FNDC3A: variants seen among roughly 807,000 people sequenced by gnomAD.
The protein encoded by FNDC3A is fibronectin type-III domain-containing protein 3A.
FNDC3A carries 32 observed loss-of-function variants against 148.9 expected under a neutral mutation model. That is an observed-to-expected ratio of 0.21 (90% CI 0.16 to 0.29). The LOEUF (loss-of-function observed/expected upper bound fraction) is 0.29. Among genes scored for constraint, FNDC3A ranks in the 10% least tolerant of loss-of-function variants. The pLI is 1.00. For missense variants in FNDC3A, 1,191 were observed against 1,452.8 expected, an observed-to-expected ratio of 0.82 and a Z score of 2.93; for synonymous variants, 472 against 473.6, an observed-to-expected ratio of 1.00 and a Z score of 0.04.
At chr13:48,980,943 T>C (rs1951683639) in intron 1 of FNDC3A, among the ~76,000 whole-genome samples, 1 of 152,292 alleles carries the variant, frequency 6.6e-6, no homozygotes, top group African/African-American at 2.4e-5. Flanking sequence ...GTGATGCTTC[T>C]TTCTTCCTGT....
chr13:49,067,577 G>A (rs9535141), intron 2 of FNDC3A, among the ~76,000 whole-genome samples: 88,093 of 152,020 alleles, frequency 0.58, 27,184 homozygotes, highest in Non-Finnish European at 0.68. Flanking sequence ...GGAGTTATTT[G>A]TATCCTGCTG....
chr13:49,031,347 A>C (rs546451311), intron 2 of FNDC3A, among the ~76,000 whole-genome samples: 10 of 152,206 alleles, frequency 6.6e-5, no homozygotes, highest in Non-Finnish European at 1.5e-4. Flanking sequence ...TCACCACTGC[A>C]TGATCAGCCT....
rs111808079 is a variant in FNDC3A at position 49,113,089 on chromosome 13, C to G, written c.176-1566C>G. On this transcript the variant is annotated intron_variant, in intron 3 of 25. Transcript: ENST00000492622. Reference sequence around the variant, plus strand: ...CCCCCTTTCTCCTATTTCTCCACATCGTTCCTCCTCCCCCTTACCCTTCTG... The same window carrying G: ...CCCCCTTTCTCCTATTTCTCCACATGGTTCCTCCTCCCCCTTACCCTTCTG... Among the ~76,000 whole-genome samples, 372 of 142,854 alleles carry G rather than the reference C, an allele frequency of 2.6e-3. 1 individual carries two copies. Among genetic ancestry groups the G allele is most frequent in the Middle Eastern group, 0.011 (3 of 280 alleles). 93.7% of individuals were successfully genotyped at this position (142,854 alleles called of 152,430 possible).
chr13:49,107,236 G>A (rs1176199103), intron 3 of FNDC3A, among the ~76,000 whole-genome samples: 2 of 152,210 alleles, frequency 1.3e-5, no homozygotes, highest in African/African-American at 4.8e-5. Flanking sequence ...ATGTTATAGA[G>A]TTAATGTTAT....
chr13:49,088,776 G>T (rs1878987644), intron 3 of FNDC3A, among the ~76,000 whole-genome samples: 1 of 151,848 alleles, frequency 6.6e-6, no homozygotes, highest in Non-Finnish European at 1.5e-5. Context: ...TGTTGCCCAG[G>T]CTGGTCTTGA....
chr13:49,054,918 CT>C (rs2137721703), intron 2 of FNDC3A, among the ~76,000 whole-genome samples: 1 of 151,770 alleles, frequency 6.6e-6, no homozygotes, highest in South Asian at 2.1e-4. Flanking sequence ...TCTTTTTCTA[CT>C]TCATTTGTGG....
At chr13:49,089,615 C>A (rs1283577834) in intron 3 of FNDC3A, among the ~76,000 whole-genome samples, 1 of 152,186 alleles carries the variant, frequency 6.6e-6, no homozygotes, top group Non-Finnish European at 1.5e-5. Context: ...TGGGAACTGA[C>A]TGTGGTCCCT....
chr13:49,111,773 TA>T (rs199756417), intron 3 of FNDC3A, among the ~76,000 whole-genome samples: 17 of 149,662 alleles, frequency 1.1e-4, no homozygotes, highest in African/African-American at 3.2e-4. Flanking sequence ...TGCCTCAGGA[TA>T]AAAAAAAAAT....
At chr13:49,202,881 C>CT (rs1886485062) in intron 24 of FNDC3A, among the ~76,000 whole-genome samples, 1 of 152,120 alleles carries the variant, frequency 6.6e-6, no homozygotes, top group Non-Finnish European at 1.5e-5. Context: ...CAGCATATGC[C>CT]TGTGTGTGTA....
intron 2 of FNDC3A, among the ~76,000 whole-genome samples, chr13:49,013,400 A>C (rs1952400239): frequency 6.6e-6 from 1 of 151,962 alleles, no homozygotes; most frequent in Non-Finnish European, 1.5e-5. Context: ...ATTATACTTT[A>C]AGTTTTAGGG....
chr13:49,081,973 T>A (rs1229475842), intron 3 of FNDC3A, among the ~76,000 whole-genome samples: 1 of 151,892 alleles, frequency 6.6e-6, no homozygotes, highest in African/African-American at 2.4e-5. Flanking sequence ...AGTACCTTTT[T>A]TTTTTTTTTT....
chr13:49,178,640 A>G lies in FNDC3A; in HGVS notation c.1603A>G (p.Lys535Glu). The G allele has an allele frequency of 6.4e-7, 1 of 1,557,258 alleles. No individual in the cohort carries two copies. Among genetic ancestry groups the G allele is most frequent in the Non-Finnish European group, 8.7e-7 (1 of 1,147,518 alleles). ...AGTGAAAAATCTCAGACGTAGTACT[A>G]AGTATAAATTTAAGGTAAGCTTTGA... ...YTVKNLRRST[K>E]YKFKVIAYNS... Residue 535 changes from lysine (K) to glutamate (E), a missense_variant, in exon 14 of 26, where the codon AAG becomes GAG. By Grantham distance (56) the Lys-to-Glu change is moderately conservative. This residue lies in a region of FNDC3A where 751 missense variants were observed against 944.0 expected (regional missense o/e 0.80). Coordinates refer to ENST00000492622, the MANE Select transcript of FNDC3A (RefSeq NM_001079673.2).
intron 3 of FNDC3A, among the ~76,000 whole-genome samples, chr13:49,080,613 T>C (rs1465331726): frequency 1.3e-5 from 2 of 152,208 alleles, no homozygotes; most frequent in African/African-American, 4.8e-5. Context: ...TAGTAACTGG[T>C]ATGTAGAAAT....
At chr13:49,167,712 A>T (rs1006541095) in intron 9 of FNDC3A, among the ~76,000 whole-genome samples, 6 of 152,134 alleles carry the variant, frequency 3.9e-5, no homozygotes, top group Admixed American at 3.9e-4. Context: ...TCTCAAACAA[A>T]AAAAAAAACT....
chr13:49,122,719 G>A (rs1881436230), intron 4 of FNDC3A, among the ~76,000 whole-genome samples: 1 of 152,276 alleles, frequency 6.6e-6, no homozygotes, highest in African/African-American at 2.4e-5. Flanking sequence ...CAAACAGAGA[G>A]CCAAATCATG....
chr13:49,082,556 C>T (rs1016276479), intron 3 of FNDC3A, among the ~76,000 whole-genome samples: 2 of 152,114 alleles, frequency 1.3e-5, no homozygotes, highest in African/African-American at 2.4e-5. Flanking sequence ...TGAGACTCCT[C>T]CTGTCCTCAT....
At chr13:49,076,455 G>A (rs1356711211) in intron 3 of FNDC3A, among the ~76,000 whole-genome samples, 1 of 151,756 alleles carries the variant, frequency 6.6e-6, no homozygotes, top group African/African-American at 2.4e-5. Context: ...ATGTTGGCCA[G>A]GCTGGTCTTG....
intron 2 of FNDC3A, among the ~76,000 whole-genome samples, chr13:49,055,577 A>T (rs1028672553): frequency 2.6e-5 from 4 of 152,148 alleles, no homozygotes; most frequent in African/African-American, 7.2e-5. Flanking sequence ...TGCATGATAA[A>T]ATTTGGTCTC....
chr13:49,179,514 C>G (rs184338031), intron 14 of FNDC3A, among the ~76,000 whole-genome samples: 67 of 152,270 alleles, frequency 4.4e-4, no homozygotes, highest in Non-Finnish European at 9.0e-4. Flanking sequence ...TGATACTTGC[C>G]TAAATCAATT....
Sources: gnomAD v4.1 joint callset for allele counts (sites outside exome capture counted in the v4.1 genomes callset) on GRCh38, gnomAD v4.1.1 for gene constraint, gnomAD v4.1.1 regional missense constraint, MANE v1.5 for transcripts, NCBI Gene and HGNC (gene_info 2026-07-23, HGNC 2026-07-21) for gene names.